The following RLBP1 variants were observed in gnomAD, a reference collection of about 807,000 sequenced individuals.
RLBP1 encodes the protein retinaldehyde-binding protein 1.
In RLBP1, 26 loss-of-function variants were observed where a neutral mutation model predicts 36.2. That is an observed-to-expected ratio of 0.72 (90% confidence interval 0.53 to 1.00). RLBP1 has a LOEUF of 1.00. Among genes scored for constraint, RLBP1 ranks in the 50% least tolerant of loss-of-function variants. RLBP1 has a pLI of 0.00. For missense variants in RLBP1, 410 were observed against 402.4 expected, an observed-to-expected ratio of 1.02 and a Z score of -0.16; for synonymous variants, 155 against 156.2, an observed-to-expected ratio of 0.99 and a Z score of 0.06.
chr15:89,210,819 CAG>C lies in RLBP1; in HGVS notation c.685-12_685-11del, dbSNP rs2051531957. 6.4e-7 allele frequency: 1 copy of C among 1,554,106 alleles called. No individual in the cohort carries two copies. Among genetic ancestry groups the C allele is most frequent in the Admixed American group, 1.9e-5 (1 of 53,838 alleles). The stretch of plus-strand genomic sequence containing the variant: ...GGGCTGGGAAGGAATCCTGCGGTGA[CAG>C]AGAGATACCCCGTTCCCCATGGCCC... On this transcript the variant is annotated splice_polypyrimidine_tract_variant and intron_variant, in intron 7 of 8. Transcript: ENST00000268125. This position sits in a 1 kb window ranked among gnomAD's most constrained non-coding sequence, Gnocchi z 4.7.
At position 89,215,068 on chromosome 15, in the gene RLBP1, A is replaced by G; in HGVS notation, c.517T>C (p.Phe173Leu). Residue 173 changes from phenylalanine (F) to leucine (L), a missense_variant, in exon 6 of 9, where the codon TTT becomes CTT. By Grantham distance (22) the Phe-to-Leu change is conservative. Transcript: ENST00000268125. ...IENWQSQEIT[F>L]DEILQAYCFI... Reference sequence around the variant, plus strand: ...GGCGAGCCCCCACTAACCTCATCAAAGGTGATTTCTTGACTTTGCCAGTTC... The same window carrying G: ...GGCGAGCCCCCACTAACCTCATCAAGGGTGATTTCTTGACTTTGCCAGTTC... The G allele has an allele frequency of 6.2e-7, 1 of 1,614,174 alleles. No homozygotes were observed. Among genetic ancestry groups the G allele is most frequent in the African/African-American group, 1.3e-5 (1 of 75,044 alleles).
At position 89,210,575 on chromosome 15, in the gene RLBP1, G is replaced by A. The variant is rs1184936910; in HGVS notation, c.795+124C>T. ...TGCCTGGCGACACCTCTCTCCGCAGGTCTCCATGTTGGGTGTCAGTGGGAT... is the reference window on the plus strand; with the variant it reads ...TGCCTGGCGACACCTCTCTCCGCAGATCTCCATGTTGGGTGTCAGTGGGAT... On this transcript the variant is annotated intron_variant, in intron 8 of 8. Coordinates refer to ENST00000268125, the MANE Select transcript of RLBP1 (RefSeq NM_000326.5). This position sits in a 1 kb window ranked among gnomAD's most constrained non-coding sequence, Gnocchi z 4.7. The A allele has an allele frequency of 1.6e-6, 2 of 1,259,908 alleles. No homozygotes were observed. Among genetic ancestry groups the A allele is most frequent in the Non-Finnish European group, 2.3e-6 (2 of 875,304 alleles). 78.0% of individuals were successfully genotyped at this position (1,259,908 alleles called of 1,614,324 possible). A position where few individuals can be genotyped will look rare whatever the true frequency, so the allele number is the denominator to read the frequency against.
rs1596181114 is a variant in RLBP1, at chr15:89,211,668, AC to A, written c.684+74del. 2.0e-6 allele frequency: 3 copies of A among 1,509,100 alleles called. No homozygotes were observed. Among genetic ancestry groups the A allele is most frequent in the East Asian group, 2.2e-5 (1 of 44,476 alleles). 93.5% of individuals were successfully genotyped at this position (1,509,100 alleles called of 1,614,324 possible). A position where few individuals can be genotyped will look rare whatever the true frequency, so the allele number is the denominator to read the frequency against. On this transcript the variant is annotated intron_variant, in intron 7 of 8. Coordinates refer to ENST00000268125, the MANE Select transcript of RLBP1 (RefSeq NM_000326.5). This position sits in a 1 kb window ranked among gnomAD's most constrained non-coding sequence, Gnocchi z 5.8. ...TCCAACTTCTCAGTTCCCTGCAAGC[AC>A]CATGAAAGGAGGCCCAGCCTCTCAG...
Position 89,218,431 on chromosome 15 carries a change from ACCGGCCAGTCTAT to A in RLBP1, c.141+121_141+133del. ...CGTGACCACCAGGAAGGACCTTAGA[ACCGGCCAGTCTAT>A]CAGGTCCAGGATGATCTGGAGTGCC... On this transcript the variant is annotated intron_variant, in intron 4 of 8. Coordinates refer to ENST00000268125, the MANE Select transcript of RLBP1 (RefSeq NM_000326.5). This position sits in a 1 kb window ranked among gnomAD's most constrained non-coding sequence, Gnocchi z 4.6. The A allele has an allele frequency of 7.4e-7, 1 of 1,357,200 alleles. No homozygotes were observed. The highest frequency in any genetic ancestry group is 1.0e-6 in the Non-Finnish European group (1 of 967,228). The allele number at this position is 1,357,200 out of a possible 1,614,324, so 84.1% of individuals were successfully genotyped here.
chr15:89,211,648 CT>C lies in RLBP1; in HGVS notation c.684+94del. On this transcript the variant is annotated intron_variant, in intron 7 of 8. Transcript: ENST00000268125. The surrounding 1 kb of genome is among the most constrained non-coding windows in gnomAD (Gnocchi z 5.8). ...CTCTTTATGGCGCGAGGTGGTCCAA[CT>C]TCTCAGTTCCCTGCAAGCACCATGA... is the stretch of plus-strand genomic sequence containing the variant. 7.3e-7 allele frequency: 1 copy of C among 1,370,470 alleles called. No individual in the cohort carries two copies. Among genetic ancestry groups the C allele is most frequent in the Non-Finnish European group, 1.0e-6 (1 of 976,156 alleles). The allele number at this position is 1,370,470 out of a possible 1,614,324, so 84.9% of individuals were successfully genotyped here. A position where few individuals can be genotyped will look rare whatever the true frequency, so the allele number is the denominator to read the frequency against.
At chr15:89,217,725 G>A (rs1162631091) in intron 4 of RLBP1, among the ~76,000 whole-genome samples, 1 of 152,164 alleles carries the variant, frequency 6.6e-6, no homozygotes, top group Non-Finnish European at 1.5e-5. Context: ...TCTTGCTCAA[G>A]GTCACCCAGA....
chr15:89,212,174 A>G (rs1352938299), intron 6 of RLBP1, among the ~76,000 whole-genome samples: 1 of 152,254 alleles, frequency 6.6e-6, no homozygotes, highest in African/African-American at 2.4e-5. Context: ...TGGTGAAATT[A>G]TGGTACATTT....
At chr15:89,217,035 G>T in intron 5 of RLBP1, 85 bp downstream of exon 5, 1 of 1,404,322 alleles carries the variant, frequency 7.1e-7, no homozygotes, top group Non-Finnish European at 1.0e-6. Flanking sequence ...ATGGAAGCAG[G>T]CCTGTTCAGT....
In RLBP1 at chr15:89,214,817, G is replaced by A. The variant is rs2150970250; in HGVS notation, c.525+243C>T. On this transcript the variant is annotated intron_variant, in intron 6 of 8. Transcript: ENST00000268125. The surrounding 1 kb of genome is among the most constrained non-coding windows in gnomAD (Gnocchi z 4.6). ...ACTTGGCACTTGGCAGGGATACCCA[G>A]GAAGAGCCATGTATTATTGACCATC... Among the ~76,000 whole-genome samples the A allele has an allele frequency of 6.6e-6, 1 of 152,346 alleles. No homozygotes were observed. The highest frequency in any genetic ancestry group is 1.9e-4 in the East Asian group (1 of 5,188).
Position 89,218,093 on chromosome 15 carries a change from C to T in RLBP1, c.141+472G>A, listed in dbSNP as rs1157722791. 6.6e-6 allele frequency among the ~76,000 whole-genome samples: 1 copy of T among 152,212 alleles called. No individual in the cohort carries two copies. Among genetic ancestry groups the T allele is most frequent in the African/African-American group, 2.4e-5 (1 of 41,456 alleles). On this transcript the variant is annotated intron_variant, in intron 4 of 8. Coordinates refer to ENST00000268125, the MANE Select transcript of RLBP1 (RefSeq NM_000326.5). The surrounding 1 kb of genome is among the most constrained non-coding windows in gnomAD (Gnocchi z 4.6). ...CCTAAGACAGCTCTGTCAGCCTCCACAGAGCACAATCTGATCACCTCTGAG... is the reference window on the plus strand; with the variant it reads ...CCTAAGACAGCTCTGTCAGCCTCCATAGAGCACAATCTGATCACCTCTGAG...
intron 5 of RLBP1, among the ~76,000 whole-genome samples, chr15:89,215,975 A>C (rs185448441): frequency 1.3e-5 from 2 of 152,168 alleles, no homozygotes; most frequent in Non-Finnish European, 2.9e-5. Flanking sequence ...TTCCCTGGCC[A>C]CTTTATCTAA....
chr15:89,210,577 C>T lies in RLBP1; in HGVS notation c.795+122G>A, dbSNP rs972561721. The T allele has an allele frequency of 2.4e-6, 3 of 1,257,748 alleles. No homozygotes were observed. The allele number at this position is 1,257,748 out of a possible 1,614,324, so 77.9% of individuals were successfully genotyped here. On this transcript the variant is annotated intron_variant, in intron 8 of 8. Transcript: ENST00000268125. This position sits in a 1 kb window ranked among gnomAD's most constrained non-coding sequence, Gnocchi z 4.7. ...CCTGGCGACACCTCTCTCCGCAGGT[C>T]TCCATGTTGGGTGTCAGTGGGATCC...
chr15:89,215,259 G>A (rs1192756936), intron 5 of RLBP1, 21 bp from the exon 6 acceptor site: 1 of 1,613,538 alleles, frequency 6.2e-7, no homozygotes, highest in Admixed American at 1.7e-5. Flanking sequence ...GAGAGCAGAG[G>A]AACCCCCTCA....
chr15:89,218,773 C>T lies in RLBP1; in HGVS notation c.13-80G>A. On this transcript the variant is annotated intron_variant, in intron 3 of 8. Coordinates refer to ENST00000268125, the MANE Select transcript of RLBP1 (RefSeq NM_000326.5). The surrounding 1 kb of genome is among the most constrained non-coding windows in gnomAD (Gnocchi z 4.6). ...AGGGAAATGGGCCTGCTCAGACCTT[C>T]AGTTCTTTTGCCCAAGGTCATTGTT... The T allele has an allele frequency of 6.2e-7, 1 of 1,602,570 alleles. No homozygotes were observed. Among genetic ancestry groups the T allele is most frequent in the South Asian group, 1.1e-5 (1 of 90,436 alleles).
At position 89,210,892 on chromosome 15, in the gene RLBP1, T is replaced by A; in HGVS notation, c.685-83A>T. On this transcript the variant is annotated intron_variant, in intron 7 of 8. Coordinates refer to ENST00000268125, the MANE Select transcript of RLBP1 (RefSeq NM_000326.5). This position sits in a 1 kb window ranked among gnomAD's most constrained non-coding sequence, Gnocchi z 4.7. ...ACTCATTCCCTGCTGCCTCTCCTCA[T>A]GGCATAGAACAGACTTGTCCAGCAT... is the stretch of plus-strand genomic sequence containing the variant. 1 of 931,754 alleles carries A rather than the reference T, an allele frequency of 1.1e-6. No individual in the cohort carries two copies. Among genetic ancestry groups the A allele is most frequent in the Non-Finnish European group, 1.7e-6 (1 of 593,660 alleles). 57.7% of individuals were successfully genotyped at this position (931,754 alleles called of 1,614,324 possible). A position where few individuals can be genotyped will look rare whatever the true frequency, so the allele number is the denominator to read the frequency against.
At chr15:89,217,461 C>T (rs1271217423) in intron 4 of RLBP1, 137 bp from the exon 5 acceptor site, 5 of 813,464 alleles carry the variant, frequency 6.1e-6, no homozygotes, top group African/African-American at 3.3e-5. Flanking sequence ...TGCTTTTCTG[C>T]CCCAGGGGCA....
At chr15:89,215,412 A>G (rs1051364454) in intron 5 of RLBP1, among the ~76,000 whole-genome samples, 174 bp from the exon 6 acceptor site, 1 of 152,170 alleles carries the variant, frequency 6.6e-6, no homozygotes, top group African/African-American at 2.4e-5. Flanking sequence ...CTCGATATTG[A>G]CCTATCTATT....
At chr15:89,220,502 A>G (rs562275444) in intron 1 of RLBP1, among the ~76,000 whole-genome samples, 1 of 152,276 alleles carries the variant, frequency 6.6e-6, no homozygotes, top group African/African-American at 2.4e-5. Context: ...GGACCCCCAT[A>G]GAGTATCGGA....
chr15:89,219,055 C>G lies in RLBP1; in HGVS notation c.-80G>C. ...TCCTGGCCTCTCCAGCCGGCCCCTT[C>G]CCTAGGATAGGAAGTCAGGGCTGCA... is the stretch of plus-strand genomic sequence containing the variant. On this transcript the variant is annotated 5_prime_UTR_variant, in exon 3 of 9. Transcript: ENST00000268125. 1 of 1,573,614 alleles carries G rather than the reference C, an allele frequency of 6.4e-7. No individual in the cohort carries two copies. The highest frequency in any genetic ancestry group is 1.1e-5 in the South Asian group (1 of 90,126).
Sources: allele counts gnomAD v4.1 joint callset (sites outside exome capture counted in the v4.1 genomes callset), GRCh38; gene constraint gnomAD v4.1.1; non-coding constraint Gnocchi (gnomAD v3.1); transcripts MANE v1.5; gene names NCBI Gene and HGNC (gene_info 2026-07-23, HGNC 2026-07-21).